Variants in LINGO2 observed in about 807,000 individuals in gnomAD.
LINGO2 encodes leucine rich repeat and Ig domain containing 2.
A neutral mutation model predicts 30.6 loss-of-function variants in LINGO2; 14 were observed. The observed-to-expected ratio is 0.46, with a 90% CI of 0.30 to 0.72. The LOEUF is 0.72. Among genes scored for constraint, LINGO2 ranks in the 30% least tolerant of loss-of-function variants. The pLI is 0.07. For synonymous variants in LINGO2, 317 were observed against 288.5 expected (o/e 1.10, Z -1.00); for missense variants, 729 against 751.7 (o/e 0.97, Z 0.35).
the LINGO2 span, among the ~76,000 whole-genome samples, chr9:28,924,218 T>G: frequency 6.6e-6 from 1 of 152,078 alleles, no homozygotes; most frequent in Non-Finnish European, 1.5e-5. Flanking sequence ...TGGGTAAGTA[T>G]TCTTTCTTTT....
At chr9:27,958,799 A>C (rs986652360) in intron 5 of LINGO2, among the ~76,000 whole-genome samples, 16 of 152,260 alleles carry the variant, frequency 1.1e-4, no homozygotes, top group African/African-American at 3.9e-4. Flanking sequence ...AGTTCTCACA[A>C]AGCCAGTTAG....
intron 1 of LINGO2, among the ~76,000 whole-genome samples, chr9:28,487,338 C>T (rs1826211195): frequency 6.6e-6 from 1 of 152,056 alleles, no homozygotes; most frequent in Non-Finnish European, 1.5e-5. Flanking sequence ...TTTGACTCAC[C>T]AGGTATTTCT....
chr9:28,028,491 G>A (rs12683661), intron 4 of LINGO2, among the ~76,000 whole-genome samples: 24,670 of 151,736 alleles, frequency 0.16, 2,158 homozygotes, highest in South Asian at 0.26. Flanking sequence ...GTATATACAC[G>A]TAACACCCAG....
intron 2 of LINGO2, among the ~76,000 whole-genome samples, chr9:28,438,849 T>TATAC (rs1402382742): frequency 1.4e-5 from 2 of 144,348 alleles, no homozygotes; most frequent in Non-Finnish European, 3.0e-5. Flanking sequence ...TATATATATA[T>TATAC]AATGAGATAT....
the LINGO2 span, among the ~76,000 whole-genome samples, chr9:28,712,564 C>T: frequency 3.3e-5 from 5 of 151,002 alleles, no homozygotes; most frequent in South Asian, 2.1e-4. Flanking sequence ...TCCTTTACCC[C>T]ATTTGTAAAA....
At chr9:29,039,672 C>A in the LINGO2 span, among the ~76,000 whole-genome samples, 1 of 152,158 alleles carries the variant, frequency 6.6e-6, no homozygotes, top group African/African-American at 2.4e-5. Context: ...CCTAAATCTA[C>A]TTTAAGGACT....
the LINGO2 span, among the ~76,000 whole-genome samples, chr9:28,972,173 G>A: frequency 2.6e-5 from 4 of 152,198 alleles, no homozygotes; most frequent in Admixed American, 1.3e-4. Flanking sequence ...TCCTAAGAAG[G>A]ACAGGTACAA....
chr9:28,712,553 T>C, the LINGO2 span, among the ~76,000 whole-genome samples: 1 of 151,304 alleles, frequency 6.6e-6, no homozygotes, highest in Non-Finnish European at 1.5e-5. Flanking sequence ...TTATTTGAGG[T>C]TCCTTTACCC....
At chr9:28,266,289 T>C (rs189655192) in intron 4 of LINGO2, among the ~76,000 whole-genome samples, 26 of 152,082 alleles carry the variant, frequency 1.7e-4, no homozygotes, top group Non-Finnish European at 2.9e-4. Flanking sequence ...ACTTGAATAG[T>C]ATAATGTTTC....
chr9:28,761,200 C>A, the LINGO2 span, among the ~76,000 whole-genome samples: 2 of 151,622 alleles, frequency 1.3e-5, no homozygotes, highest in African/African-American at 4.9e-5. Flanking sequence ...ATAAGTTAAT[C>A]CTAGGAAGTA....
chr9:27,966,626 GC>G (rs1437605286), intron 5 of LINGO2, among the ~76,000 whole-genome samples: 1 of 152,006 alleles, frequency 6.6e-6, no homozygotes. Flanking sequence ...TGCATGTGGG[GC>G]TTAAAACCTA....
intron 4 of LINGO2, among the ~76,000 whole-genome samples, chr9:28,183,717 T>A (rs1819440730): frequency 6.6e-6 from 1 of 152,130 alleles, no homozygotes; most frequent in Non-Finnish European, 1.5e-5. Context: ...TACATGTAAG[T>A]GTCTCTGAAA....
chr9:28,292,901 G>A (rs1823784268), intron 4 of LINGO2, among the ~76,000 whole-genome samples: 2 of 151,896 alleles, frequency 1.3e-5, no homozygotes, highest in South Asian at 4.2e-4. Context: ...CTCCTGAGTA[G>A]CTGGGACTAC....
At chr9:29,118,170 T>C in the LINGO2 span, among the ~76,000 whole-genome samples, 4 of 152,080 alleles carry the variant, frequency 2.6e-5, no homozygotes, top group Non-Finnish European at 5.9e-5. Flanking sequence ...GGTATTTGGG[T>C]TCCAAAGAGG....
the LINGO2 span, chr9:28,888,858 A>T: frequency 5.6e-6 from 3 of 533,598 alleles, no homozygotes; most frequent in East Asian, 5.5e-5. Context: ...ATTGCAAAGC[A>T]GTAGAAATGA....
At chr9:28,825,126 T>C in the LINGO2 span, among the ~76,000 whole-genome samples, 1,015 of 152,216 alleles carry the variant, frequency 6.7e-3, 13 homozygotes, top group African/African-American at 0.023. Flanking sequence ...CCTGATTCAT[T>C]GCAAGCACTG....
chr9:29,189,830 C>G, the LINGO2 span, among the ~76,000 whole-genome samples: 1 of 151,878 alleles, frequency 6.6e-6, no homozygotes, highest in East Asian at 1.9e-4. Flanking sequence ...GCCAACACAG[C>G]GAAACCCCGT....
At chr9:28,138,341 T>C (rs1170473495) in intron 4 of LINGO2, among the ~76,000 whole-genome samples, 2 of 152,202 alleles carry the variant, frequency 1.3e-5, no homozygotes, top group African/African-American at 2.4e-5. Flanking sequence ...CTGAAGACTA[T>C]AAAATGTGCT....
At chr9:28,429,485 C>T (rs1823558473) in intron 2 of LINGO2, among the ~76,000 whole-genome samples, 1 of 152,178 alleles carries the variant, frequency 6.6e-6, no homozygotes, top group African/African-American at 2.4e-5. Context: ...TTCCTCTTAG[C>T]CACTCTTTAA....
Sources: allele counts gnomAD v4.1 joint callset (sites outside exome capture counted in the v4.1 genomes callset), GRCh38; gene constraint gnomAD v4.1.1; transcripts MANE v1.5; gene names NCBI Gene and HGNC (gene_info 2026-07-23, HGNC 2026-07-21).